The following RAB40C variants were observed in gnomAD, a reference collection of about 807,000 sequenced individuals.
RAB40C encodes the protein ras-related protein Rab-40C.
RAB40C carries 8 observed loss-of-function variants against 28.1 expected under a neutral mutation model. That is an observed-to-expected ratio of 0.28 (90% CI 0.17 to 0.51). The LOEUF is 0.51. Among genes scored for constraint, RAB40C ranks in the 20% least tolerant of loss-of-function variants. The pLI is 0.97. For synonymous variants in RAB40C, 201 were observed against 171.7 expected (o/e 1.17, Z -1.34); for missense variants, 288 against 405.9 (o/e 0.71, Z 2.50).
intron 3 of RAB40C, among the ~76,000 whole-genome samples, chr16:619,041 CTG>C (rs1057411098): frequency 8.8e-6 from 1 of 113,326 alleles, no homozygotes; most frequent in African/African-American, 3.6e-5. Flanking sequence ...GTACTTGGAG[CTG>C]TGTGTGTGCA....
At chr16:601,153 A>G (rs2036240954) in intron 1 of RAB40C, among the ~76,000 whole-genome samples, 1 of 152,208 alleles carries the variant, frequency 6.6e-6, no homozygotes, top group Non-Finnish European at 1.5e-5. Flanking sequence ...TAGAAGCTGT[A>G]GCTCCCACGT....
intron 3 of RAB40C, among the ~76,000 whole-genome samples, chr16:619,361 G>A (rs1465383248): frequency 2.0e-5 from 3 of 152,054 alleles, no homozygotes; most frequent in East Asian, 1.9e-4. Context: ...CAGGTCTGGC[G>A]GGGGCACTGG....
chr16:624,473 C>T (rs1270068761), intron 3 of RAB40C: 1 of 985,362 alleles, frequency 1.0e-6, no homozygotes, highest in Non-Finnish European at 1.2e-6. Context: ...AGGCCTTCGC[C>T]CTGGGAGCTT....
rs2035959348 is a variant in RAB40C at position 590,205 on chromosome 16, A to C, written c.-87A>C. On this transcript the variant is annotated 5_prime_UTR_variant, in exon 1 of 6. Coordinates refer to ENST00000248139, the MANE Select transcript of RAB40C (RefSeq NM_021168.5). The stretch of plus-strand genomic sequence containing the variant: ...GCCGTGGGGCGGACGCAACGGGCGC[A>C]GGTGCGGGGCGCGGGCTCTCTCACG... The C allele has an allele frequency of 1.9e-6, 2 of 1,035,464 alleles. No homozygotes were observed. The highest frequency in any genetic ancestry group is 2.4e-6 in the Non-Finnish European group (2 of 836,552). 64.1% of individuals were successfully genotyped at this position (1,035,464 alleles called of 1,614,324 possible).
At chr16:607,848 A>G (rs1221756754) in intron 1 of RAB40C, among the ~76,000 whole-genome samples, 1 of 152,186 alleles carries the variant, frequency 6.6e-6, no homozygotes, top group East Asian at 1.9e-4. Flanking sequence ...AAAAAGAAAA[A>G]GAAAAGAAAA....
At chr16:621,589 G>A (rs945765533) in intron 3 of RAB40C, among the ~76,000 whole-genome samples, 7 of 152,366 alleles carry the variant, frequency 4.6e-5, no homozygotes, top group East Asian at 3.9e-4. Context: ...CTTCATGGTC[G>A]TGTTTGCATA....
chr16:600,484 G>A (rs907809579), intron 1 of RAB40C, among the ~76,000 whole-genome samples: 3 of 152,194 alleles, frequency 2.0e-5, no homozygotes, highest in Admixed American at 1.3e-4. Flanking sequence ...TGGGCACGGT[G>A]GCTCACGCCT....
At chr16:601,655 G>T in intron 1 of RAB40C, among the ~76,000 whole-genome samples, 1 of 151,958 alleles carries the variant, frequency 6.6e-6, no homozygotes, top group Non-Finnish European at 1.5e-5. Flanking sequence ...GAGAGGGAAT[G>T]CTTATAAGTT....
In RAB40C at chr16:626,155, C is replaced by T. The variant is rs185461592; in HGVS notation, c.565+34C>T. 6.9e-4 allele frequency: 1,092 copies of T among 1,579,278 alleles called. 4 individuals carry two copies. In the African/African-American group the frequency reaches 0.012, roughly 18 times the overall value. Reference sequence around the variant, plus strand: ...GCGGGCGCCGGCCAGCCCTGAGGTCCCCGAACCTGGGCTGCCCTGATCACA... The same window carrying T: ...GCGGGCGCCGGCCAGCCCTGAGGTCTCCGAACCTGGGCTGCCCTGATCACA... On this transcript the variant is annotated intron_variant, in intron 5 of 5. Transcript: ENST00000248139.
chr16:601,697 C>T (rs2036251215), intron 1 of RAB40C, among the ~76,000 whole-genome samples: 3 of 151,610 alleles, frequency 2.0e-5, no homozygotes, highest in East Asian at 1.9e-4. Context: ...AACACAGGAC[C>T]GGGTGCGGTG....
At chr16:621,366 G>T (rs1428435613) in intron 3 of RAB40C, among the ~76,000 whole-genome samples, 2 of 152,240 alleles carry the variant, frequency 1.3e-5, no homozygotes, top group Non-Finnish European at 2.9e-5. Flanking sequence ...ACACAGACTA[G>T]CAAGGACTGT....
chr16:622,227 C>G (rs2036733591), intron 3 of RAB40C, among the ~76,000 whole-genome samples: 1 of 151,960 alleles, frequency 6.6e-6, no homozygotes, highest in Non-Finnish European at 1.5e-5. Flanking sequence ...TCGAGTTGAT[C>G]AAAAAAAGGT....
intron 1 of RAB40C, among the ~76,000 whole-genome samples, chr16:599,591 G>A (rs1410008110): frequency 2.0e-5 from 3 of 148,722 alleles, no homozygotes; most frequent in African/African-American, 7.8e-5. Context: ...GTTCCCTCGT[G>A]GCATCAGTCA....
At chr16:601,751 G>A (rs1338743833) in intron 1 of RAB40C, among the ~76,000 whole-genome samples, 1 of 145,854 alleles carries the variant, frequency 6.9e-6, no homozygotes, top group Non-Finnish European at 1.5e-5. Flanking sequence ...CAAGGCAGGC[G>A]ATCCCCTGAG....
intron 1 of RAB40C, among the ~76,000 whole-genome samples, chr16:615,992 T>C (rs968224805): frequency 6.6e-6 from 1 of 151,942 alleles, no homozygotes; most frequent in Non-Finnish European, 1.5e-5. Flanking sequence ...GTGCAGTGGC[T>C]CACGCCTGTA....
At chr16:602,838 G>A (rs758111772) in intron 1 of RAB40C, among the ~76,000 whole-genome samples, 2 of 152,190 alleles carry the variant, frequency 1.3e-5, no homozygotes, top group African/African-American at 4.8e-5. Flanking sequence ...CCAAAGTGTC[G>A]AGATGACAGG....
rs898003929 is a variant in RAB40C at position 602,280 on chromosome 16, TAGAG to T, written c.142+11851_142+11854del. On this transcript the variant is annotated intron_variant, in intron 1 of 5. Transcript: ENST00000248139. Reference sequence around the variant, plus strand: ...TTTTTTTGGTTTTGTTTTTTTTTATTAGAGAGACAGTTTCACTCTTCCAGGCTGG... The same window carrying T: ...TTTTTTTGGTTTTGTTTTTTTTTATTAGACAGTTTCACTCTTCCAGGCTGG... 3.2e-4 allele frequency among the ~76,000 whole-genome samples: 49 copies of T among 151,834 alleles called. No individual in the cohort carries two copies. The East Asian group carries it at 6.2e-3, about 19-fold the overall frequency.
At position 627,859 on chromosome 16, in the gene RAB40C, C is replaced by A; in HGVS notation, c.*237C>A. On this transcript the variant is annotated 3_prime_UTR_variant, in exon 6 of 6. Transcript: ENST00000248139. The stretch of plus-strand genomic sequence containing the variant: ...TGCTTCCGGGAATCTTGGTCGGAAA[C>A]AAGCCGGGCCTCCCCAGCTGCCTGG... The A allele has an allele frequency of 2.1e-6, 1 of 470,452 alleles. No individual in the cohort carries two copies. Among genetic ancestry groups the A allele is most frequent in the South Asian group, 5.5e-5 (1 of 18,346 alleles). 29.1% of individuals were successfully genotyped at this position (470,452 alleles called of 1,614,324 possible).
chr16:618,094 C>T (rs148499099), intron 2 of RAB40C, 106 bp from the exon 3 acceptor site: 18 of 1,068,642 alleles, frequency 1.7e-5, no homozygotes, highest in African/African-American at 1.4e-4. Context: ...CTGTCCTGGC[C>T]GCCCCGCTCC....
Sources: gnomAD v4.1 joint callset for allele counts (sites outside exome capture counted in the v4.1 genomes callset) on GRCh38, gnomAD v4.1.1 for gene constraint, MANE v1.5 for transcripts, NCBI Gene and HGNC (gene_info 2026-07-23, HGNC 2026-07-21) for gene names.